Variants in DIAPH2 observed in about 807,000 individuals in gnomAD.
DIAPH2 encodes the protein protein diaphanous homolog 2.
A neutral mutation model predicts 92.7 loss-of-function variants in DIAPH2; 35 were observed. The ratio of observed to expected loss-of-function variants is 0.38; its 90% CI spans 0.29 to 0.50. The LOEUF (loss-of-function observed/expected upper bound fraction) is 0.50, where lower values mean the gene tolerates loss of function less well. Ranked by LOEUF, DIAPH2 falls within the 20% of genes least tolerant of loss-of-function variation. The probability of loss-of-function intolerance (pLI) is 0.94; values close to 1 mark genes in which losing one functional copy is unlikely to be tolerated. For synonymous variants in DIAPH2, 301 were observed against 280.4 expected (o/e 1.07, Z -0.73); for missense variants, 701 against 819.5 (o/e 0.86, Z 1.77).
intron 22 of DIAPH2, among the ~76,000 whole-genome samples, chrX:97,202,813 C>T (rs908159127): frequency 8.9e-6 from 1 of 112,224 alleles, no homozygotes; most frequent in South Asian, 3.7e-4. Flanking sequence ...GACTCAAACT[C>T]AGCTCTGGAT....
chrX:97,572,610 A>G (rs1163567140), intron 26 of DIAPH2, among the ~76,000 whole-genome samples: 1 of 111,780 alleles, frequency 8.9e-6, no homozygotes, highest in Non-Finnish European at 1.9e-5. Context: ...TCCCCTTATA[A>G]AAGGCCATAT....
chrX:96,753,881 C>T (rs543378649), intron 3 of DIAPH2, among the ~76,000 whole-genome samples: 2 of 112,324 alleles, frequency 1.8e-5, no homozygotes, highest in East Asian at 5.6e-4. Context: ...AACATCACCT[C>T]TGTTGCCACC....
intron 5 of DIAPH2, among the ~76,000 whole-genome samples, chrX:96,882,646 A>T (rs1280589439): frequency 9.0e-6 from 1 of 110,755 alleles, no homozygotes; most frequent in Non-Finnish European, 1.9e-5. Context: ...AAGAAAAATA[A>T]AATTTCAATA....
chrX:97,319,168 G>A (rs1293508193), intron 23 of DIAPH2, among the ~76,000 whole-genome samples: 3 of 112,115 alleles, frequency 2.7e-5, no homozygotes, highest in Non-Finnish European at 5.6e-5. Flanking sequence ...AGATTGTATA[G>A]AAATTGATAA....
intron 17 of DIAPH2, among the ~76,000 whole-genome samples, chrX:97,059,448 A>G (rs1001679688): frequency 1.8e-5 from 2 of 111,303 alleles, no homozygotes; most frequent in African/African-American, 6.5e-5. Flanking sequence ...AAAGCTAGAT[A>G]TATAGTTGAC....
chrX:97,116,022 ACT>A (rs1211080618), intron 21 of DIAPH2, among the ~76,000 whole-genome samples: 1 of 111,033 alleles, frequency 9.0e-6, no homozygotes, highest in Non-Finnish European at 1.9e-5. Context: ...CCATTCTTTC[ACT>A]CTTTTTTTTC....
At chrX:97,325,735 G>A (rs968319028) in intron 23 of DIAPH2, among the ~76,000 whole-genome samples, 28 of 110,239 alleles carry the variant, frequency 2.5e-4, no homozygotes, top group Non-Finnish European at 1.5e-4. Flanking sequence ...CCGCCACCGC[G>A]CCCAGCTAAT....
chrX:97,481,852 G>C (rs1436570266), intron 26 of DIAPH2, among the ~76,000 whole-genome samples: 1 of 111,565 alleles, frequency 9.0e-6, no homozygotes, highest in African/African-American at 3.3e-5. Context: ...TTGGCTCTAG[G>C]CACAGCCTTG....
chrX:96,744,672 A>G (rs1050152350), intron 3 of DIAPH2, among the ~76,000 whole-genome samples: 1 of 112,165 alleles, frequency 8.9e-6, no homozygotes, highest in African/African-American at 3.2e-5. Flanking sequence ...TAGCAATGGA[A>G]AACTGTTAAA....
chrX:97,437,507 T>C (rs1372660028), intron 26 of DIAPH2, among the ~76,000 whole-genome samples: 1 of 110,766 alleles, frequency 9.0e-6, no homozygotes, highest in Admixed American at 9.7e-5. Flanking sequence ...AATATAAGTG[T>C]TCAAAAAGTG....
intron 26 of DIAPH2, among the ~76,000 whole-genome samples, chrX:97,595,580 C>G (rs1254127500): frequency 9.1e-6 from 1 of 110,108 alleles, no homozygotes; most frequent in Non-Finnish European, 1.9e-5. Flanking sequence ...TCTTTTTCCT[C>G]TCTTTCTTTC....
intron 17 of DIAPH2, among the ~76,000 whole-genome samples, chrX:97,036,065 A>G (rs1435393843): frequency 8.9e-6 from 1 of 111,936 alleles, no homozygotes; most frequent in Non-Finnish European, 1.9e-5. Flanking sequence ...TGAATATCAG[A>G]TACTTTATTC....
chrX:97,389,186 C>T (rs1238279816), intron 25 of DIAPH2, among the ~76,000 whole-genome samples: 1 of 110,500 alleles, frequency 9.0e-6, no homozygotes, highest in Admixed American at 9.6e-5. Context: ...TGGAGCCTAT[C>T]GGCCGAGTGC....
intron 4 of DIAPH2, among the ~76,000 whole-genome samples, chrX:96,812,600 T>C (rs901846512): frequency 7.1e-5 from 8 of 111,988 alleles, no homozygotes; most frequent in Non-Finnish European, 1.5e-4. Context: ...CTAGTTCTTT[T>C]AATTGTGATA....
At chrX:96,746,959 C>A (rs777983248) in intron 3 of DIAPH2, among the ~76,000 whole-genome samples, 10 of 111,837 alleles carry the variant, frequency 8.9e-5, no homozygotes, top group Non-Finnish European at 1.9e-4. Flanking sequence ...CTCCTCAATT[C>A]CACTTTAAAT....
intron 24 of DIAPH2, among the ~76,000 whole-genome samples, chrX:97,358,185 C>A (rs751916514): frequency 8.9e-6 from 1 of 112,048 alleles, no homozygotes; most frequent in East Asian, 2.8e-4. Flanking sequence ...AGCAATAGGA[C>A]AATTGATGCA....
At chrX:97,446,483 G>T (rs752114775) in intron 26 of DIAPH2, among the ~76,000 whole-genome samples, 99 of 111,525 alleles carry the variant, frequency 8.9e-4, no homozygotes, top group African/African-American at 3.0e-3. Context: ...TATTATTAAG[G>T]CATGTAAAAC....
In DIAPH2 at chrX:97,111,301, A is replaced by G. The variant is rs619130; in HGVS notation, c.2350-3425A>G. On this transcript the variant is annotated intron_variant, in intron 20 of 26. Transcript: ENST00000324765. ...GACTGTTTTCACACAGTCAGCTCAC[A>G]TGACAGTTTCTAAATTCAGTCTCAT... Among the ~76,000 whole-genome samples the G allele has an allele frequency of 9.5e-3, 1,067 of 112,284 alleles. 12 individuals are homozygous for G. Among genetic ancestry groups the G allele is most frequent in the African/African-American group, 0.032 (1,000 of 30,945 alleles).
At position 97,330,810 on chromosome X, in the gene DIAPH2, G is replaced by C. The variant is rs1336210590; in HGVS notation, c.2845-17306G>C. Among the ~76,000 whole-genome samples, 7 of 111,715 alleles carry C rather than the reference G, an allele frequency of 6.3e-5. No individual in the cohort carries two copies. The Admixed American group carries it at 6.7e-4, about 11-fold the overall frequency. On this transcript the variant is annotated intron_variant, in intron 23 of 26. Coordinates refer to ENST00000324765, the MANE Select transcript of DIAPH2 (RefSeq NM_006729.5). ...TTACAAGTGTGAGCCACTGCACCCA[G>C]CCTTTTGATGTCTTTGTTTTTAAAG...
Sources: gnomAD v4.1 joint callset for allele counts (sites outside exome capture counted in the v4.1 genomes callset) on GRCh38, gnomAD v4.1.1 for gene constraint, MANE v1.5 for transcripts, NCBI Gene and HGNC (gene_info 2026-07-23, HGNC 2026-07-21) for gene names.